Variants in AMN observed in about 807,000 individuals in gnomAD.
AMN encodes amnion associated transmembrane protein.
Under a neutral mutation model 49.1 loss-of-function variants are expected in AMN, and 40 were observed. The ratio of observed to expected loss-of-function variants is 0.81; its 90% CI spans 0.63 to 1.06. The LOEUF (loss-of-function observed/expected upper bound fraction) is 1.06. Ranked by LOEUF, AMN falls within the 50% of genes least tolerant of loss-of-function variation. AMN has a pLI of 0.00. For synonymous variants in AMN, 380 were observed against 313.3 expected (o/e 1.21, Z -2.25); for missense variants, 701 against 662.8 (o/e 1.06, Z -0.63).
At position 102,928,760 on chromosome 14, in the gene AMN, GA is replaced by G. The variant is rs747140475; in HGVS notation, c.300del (p.Glu100AspfsTer99). On this transcript the variant is annotated frameshift_variant, in exon 5 of 12. Transcript: ENST00000299155. LOFTEE classifies it high-confidence loss of function. ...CTCAGGGATGTGCTCCGGCTCAGGC[GA>G]ACCTGCCGTCTTCCGCGACTCTGAC... ...VGSHLDCGAG[E>X]PAVFRDSDRF... is the part of the protein sequence containing the mutation. 10 of 1,607,362 alleles carry G rather than the reference GA, an allele frequency of 6.2e-6. No homozygotes were observed. In the South Asian group the frequency reaches 1.1e-4, roughly 18 times the overall value.
intron 3 of AMN, 131 bp downstream of exon 3, chr14:102,924,110 G>A: frequency 7.4e-7 from 1 of 1,348,992 alleles, no homozygotes; most frequent in Middle Eastern, 2.2e-4. Context: ...TTTGGCCTCT[G>A]GAGAATATTC....
chr14:102,929,420 C>G lies in AMN; in HGVS notation c.652-8C>G, dbSNP rs1891276914. 3 of 1,529,982 alleles carry G rather than the reference C, an allele frequency of 2.0e-6. No individual in the cohort carries two copies. Among genetic ancestry groups the G allele is most frequent in the Non-Finnish European group, 2.6e-6 (3 of 1,144,938 alleles). 94.8% of individuals were successfully genotyped at this position (1,529,982 alleles called of 1,614,324 possible). A position where few individuals can be genotyped will look rare whatever the true frequency, so the allele number is the denominator to read the frequency against. ...GCCCTCCGCGCTGACCACCGCCCCT[C>G]GCACCAGGCGCAGCCGTGGATCTGC... On this transcript the variant is annotated splice_region_variant and splice_polypyrimidine_tract_variant and intron_variant, in intron 6 of 11. Transcript: ENST00000299155.
chr14:102,930,419 G>C lies in AMN; in HGVS notation c.1183G>C (p.Glu395Gln). The C allele has an allele frequency of 1.3e-6, 2 of 1,520,106 alleles. No individual in the cohort carries two copies. Among genetic ancestry groups the C allele is most frequent in the South Asian group, 2.4e-5 (2 of 82,360 alleles). The allele number at this position is 1,520,106 out of a possible 1,614,324, so 94.2% of individuals were successfully genotyped here. Residue 395 changes from glutamate (E) to glutamine (Q), a missense_variant, in exon 11 of 12, where the codon GAG (glutamate) becomes CAG (glutamine). By Grantham distance (29) the Glu-to-Gln change is conservative. Transcript: ENST00000299155. ...RAGRLRWRRHEAAAPAGAPLG... is the reference protein window; with the variant it reads ...RAGRLRWRRHQAAAPAGAPLG... ...CTACGCCCTCAGGTGGAGGAGGCAC[G>C]AGGCGGCGGCCCCGGCTGGAGCGCC...
chr14:102,923,666 A>G, intron 1 of AMN, 45 bp from the exon 2 acceptor site: 6 of 1,537,326 alleles, frequency 3.9e-6, no homozygotes, highest in Non-Finnish European at 5.4e-6. Flanking sequence ...CTGAGAAGGG[A>G]GCATCCCGGA....
chr14:102,923,341 C>G (rs1891104664), intron 1 of AMN: 4 of 337,886 alleles, frequency 1.2e-5, no homozygotes, highest in Non-Finnish European at 2.3e-5. Flanking sequence ...GATTCCAAGG[C>G]CGAGAAGAGG....
At chr14:102,924,848 G>A (rs1891151481) in intron 3 of AMN, among the ~76,000 whole-genome samples, 1 of 152,218 alleles carries the variant, frequency 6.6e-6, no homozygotes, top group Non-Finnish European at 1.5e-5. Flanking sequence ...CAAGCTACAG[G>A]CCAAATGCAG....
intron 9 of AMN, 23 bp downstream of exon 9, chr14:102,930,109 G>A (rs562248482): frequency 1.3e-6 from 2 of 1,509,154 alleles, no homozygotes; most frequent in East Asian, 2.6e-5. Context: ...GCCCCATCCC[G>A]CCCCGCCGCG....
chr14:102,928,095 C>T (rs763291026), intron 3 of AMN, among the ~76,000 whole-genome samples: 32 of 152,288 alleles, frequency 2.1e-4, no homozygotes, highest in Non-Finnish European at 1.9e-4. Flanking sequence ...GGCGACAGGC[C>T]CTGGCCAGAG....
rs760175392 is a variant in AMN at position 102,930,642 on chromosome 14, G to T, written c.1324G>T (p.Val442Phe). The T allele has an allele frequency of 6.2e-7, 1 of 1,601,206 alleles. No homozygotes were observed. The highest frequency in any genetic ancestry group is 8.5e-7 in the Non-Finnish European group (1 of 1,175,174). ...AADSTSHSYF[V>F]NPLFAGAEAE... ...AGACAGCACCAGCCACAGTTACTTC[G>T]TCAACCCTCTGTTCGCCGGGGCCGA... The change falls in exon 12 of 12, where the codon GTC (valine) becomes TTC (phenylalanine). Residue 442 changes from valine to phenylalanine, a missense_variant. Val to Phe is a conservative substitution (Grantham distance 50). Coordinates refer to ENST00000299155, the MANE Select transcript of AMN (RefSeq NM_030943.4).
At chr14:102,923,601 G>A in intron 1 of AMN, 110 bp from the exon 2 acceptor site, 1 of 1,019,080 alleles carries the variant, frequency 9.8e-7, no homozygotes, top group Non-Finnish European at 1.6e-6. Flanking sequence ...GGGTTCCTAT[G>A]CGTCCCGGGT....
At position 102,930,797 on chromosome 14, in the gene AMN, G is replaced by A. The variant is rs970272110; in HGVS notation, c.*117G>A. 1.3e-5 allele frequency: 16 copies of A among 1,200,728 alleles called. No individual in the cohort carries two copies. Among genetic ancestry groups the A allele is most frequent in the Admixed American group, 6.0e-5 (3 of 50,356 alleles). 74.4% of individuals were successfully genotyped at this position (1,200,728 alleles called of 1,614,324 possible). On this transcript the variant is annotated 3_prime_UTR_variant, in exon 12 of 12. Coordinates refer to ENST00000299155, the MANE Select transcript of AMN (RefSeq NM_030943.4). ...CTCCCCTTCCTTTCCCCCTCCTCCG[G>A]GGGCCAAGGACAGGGTGGCCTTACT... is the stretch of plus-strand genomic sequence containing the variant.
intron 1 of AMN, chr14:102,923,181 C>T: frequency 4.2e-6 from 1 of 239,070 alleles, no homozygotes; most frequent in South Asian, 5.6e-5. Context: ...CTAAACCCCT[C>T]GCGGCTCCCT....
intron 3 of AMN, among the ~76,000 whole-genome samples, chr14:102,925,428 C>T (rs1308694761): frequency 6.6e-6 from 1 of 152,198 alleles, no homozygotes; most frequent in Admixed American, 6.5e-5. Context: ...GCACCCACAG[C>T]AAGATGGCGA....
chr14:102,923,705 C>T lies in AMN; in HGVS notation c.44-6C>T. 6.2e-7 allele frequency: 1 copy of T among 1,611,274 alleles called. No homozygotes were observed. The highest frequency in any genetic ancestry group is 1.1e-5 in the South Asian group (1 of 91,048). On this transcript the variant is annotated splice_polypyrimidine_tract_variant and splice_region_variant and intron_variant, in intron 1 of 11. Coordinates refer to ENST00000299155, the MANE Select transcript of AMN (RefSeq NM_030943.4). The stretch of plus-strand genomic sequence containing the variant: ...CATCCCGGGCACTCAGTCGCCTCCT[C>T]CCCAGCACTGACCCAGGCGGTCTCC...
Position 102,923,727 on chromosome 14 carries a change from C to A in AMN, c.60C>A (p.Val20=). ...WLQLCALTQA[V]SKLWVPNTDF... is the part of the protein sequence containing the mutation. ...CCTCCCCAGCACTGACCCAGGCGGT[C>A]TCCAAACTCTGGGTCCCCAACACGG... The change falls in exon 2 of 12, where the codon GTC becomes GTA. Residue 20 remains valine, a synonymous_variant. Coordinates refer to ENST00000299155, the MANE Select transcript of AMN (RefSeq NM_030943.4). 6.2e-7 allele frequency: 1 copy of A among 1,612,788 alleles called. No individual in the cohort carries two copies. Among genetic ancestry groups the A allele is most frequent in the South Asian group, 1.1e-5 (1 of 91,074 alleles).
chr14:102,929,076 G>C, intron 5 of AMN, 45 bp from the exon 6 acceptor site: 1 of 1,597,488 alleles, frequency 6.3e-7, no homozygotes, highest in Non-Finnish European at 8.5e-7. Context: ...CTCAGGTGAA[G>C]TCTCTTCCTC....
intron 6 of AMN, 52 bp downstream of exon 6, chr14:102,929,310 G>A: frequency 2.1e-6 from 3 of 1,453,910 alleles, no homozygotes; most frequent in Non-Finnish European, 2.7e-6. Context: ...TCGGGACTGT[G>A]CCCGGGACAG....
intron 3 of AMN, among the ~76,000 whole-genome samples, chr14:102,924,293 T>G (rs1374913210): frequency 6.6e-6 from 1 of 152,110 alleles, no homozygotes; most frequent in Admixed American, 6.5e-5. Flanking sequence ...AAGCCTTGCC[T>G]TGTCCTGGTG....
At chr14:102,925,898 C>T (rs1891176715) in intron 3 of AMN, among the ~76,000 whole-genome samples, 1 of 152,202 alleles carries the variant, frequency 6.6e-6, no homozygotes, top group African/African-American at 2.4e-5. Context: ...CAGCTTCATC[C>T]ATCTGCCTAG....
Sources: allele counts gnomAD v4.1 joint callset (sites outside exome capture counted in the v4.1 genomes callset), GRCh38; gene constraint gnomAD v4.1.1; transcripts MANE v1.5; gene names NCBI Gene and HGNC (gene_info 2026-07-23, HGNC 2026-07-21).